The following ROBO1 variants were observed in gnomAD, a reference collection of about 807,000 sequenced individuals.
ROBO1 encodes roundabout homolog 1.
A neutral mutation model predicts 195.9 loss-of-function variants in ROBO1; 149 were observed. That is an observed-to-expected ratio of 0.76 (90% confidence interval 0.67 to 0.87). ROBO1 has a LOEUF of 0.87. Ranked by LOEUF, ROBO1 falls within the 40% of genes least tolerant of loss-of-function variation. The pLI, the probability that ROBO1 is intolerant of heterozygous loss-of-function variation, is 0.00. For missense variants in ROBO1, 1,933 were observed against 2,068.3 expected (o/e 0.93, Z 1.27); for synonymous variants, 816 against 733.2 (o/e 1.11, Z -1.82).
At chr3:79,737,316 TGAAA>T (rs955249725) in intron 1 of ROBO1, among the ~76,000 whole-genome samples, 2 of 152,066 alleles carry the variant, frequency 1.3e-5, no homozygotes, top group African/African-American at 2.4e-5. Flanking sequence ...TAATCAGAAG[TGAAA>T]GAGATTATGC....
At chr3:79,700,288 C>CAT (rs1553793249) in intron 1 of ROBO1, among the ~76,000 whole-genome samples, 40,386 of 147,668 alleles carry the variant, frequency 0.27, 6,099 homozygotes, top group African/African-American at 0.42. Context: ...GTGATGAACA[C>CAT]GTGTGTGTGT....
chr3:79,506,700 C>G (rs1248689854), intron 2 of ROBO1, among the ~76,000 whole-genome samples: 4 of 152,168 alleles, frequency 2.6e-5, no homozygotes, highest in Non-Finnish European at 2.9e-5. Context: ...GCCTTGGCCT[C>G]CCAAAGTGCT....
chr3:78,864,111 A>G (rs1242413979), intron 4 of ROBO1, among the ~76,000 whole-genome samples: 15 of 152,160 alleles, frequency 9.9e-5, no homozygotes, highest in Admixed American at 9.8e-4. Flanking sequence ...ATGTTAACTT[A>G]TTACTTTCCA....
At chr3:79,707,799 C>T (rs186739470) in intron 1 of ROBO1, among the ~76,000 whole-genome samples, 358 of 152,316 alleles carry the variant, frequency 2.4e-3, no homozygotes, top group Middle Eastern at 6.8e-3. Context: ...TGGGCCATCA[C>T]ACCTGGCCGA....
At chr3:78,721,524 A>G (rs1179962275) in intron 5 of ROBO1, among the ~76,000 whole-genome samples, 1 of 152,198 alleles carries the variant, frequency 6.6e-6, no homozygotes, top group Non-Finnish European at 1.5e-5. Context: ...CATTGCTGAA[A>G]GAATTGTACA....
chr3:78,688,834 C>A (rs2081108380), intron 8 of ROBO1, 62 bp from the exon 9 acceptor site: 7 of 1,508,988 alleles, frequency 4.6e-6, no homozygotes, highest in Admixed American at 2.0e-5. Context: ...CTAATTGAGA[C>A]AATCTCTTAT....
At chr3:79,146,257 C>T (rs554445516) in intron 2 of ROBO1, among the ~76,000 whole-genome samples, 5 of 151,902 alleles carry the variant, frequency 3.3e-5, no homozygotes, top group Admixed American at 1.3e-4. Flanking sequence ...GCAAAGGAGG[C>T]CTGTGAATGA....
rs191172287 is a variant in ROBO1, at chr3:78,897,309, C to G, written c.499+41292G>C. 3.6e-3 allele frequency among the ~76,000 whole-genome samples: 547 copies of G among 152,214 alleles called. 5 individuals are homozygous for G. The highest frequency in any genetic ancestry group is 5.1e-3 in the Non-Finnish European group (344 of 67,996). On this transcript the variant is annotated intron_variant, in intron 4 of 30. Transcript: ENST00000464233. ...TCAGTATTTTTCGAAGCACCATCCT[C>G]CACCCACACCCCACAGATGATTCCA...
chr3:78,805,787 G>A (rs2084519788), intron 4 of ROBO1, among the ~76,000 whole-genome samples: 1 of 152,032 alleles, frequency 6.6e-6, no homozygotes, highest in East Asian at 1.9e-4. Context: ...CTATTAGTTA[G>A]TATATAATAC....
intron 5 of ROBO1, among the ~76,000 whole-genome samples, chr3:78,745,653 CCT>C (rs1559809511): frequency 6.6e-6 from 1 of 152,162 alleles, no homozygotes; most frequent in South Asian, 2.1e-4. Flanking sequence ...CTCTGCAGCA[CCT>C]CTTATGAGCA....
At chr3:78,866,447 T>G (rs2035185876) in intron 4 of ROBO1, among the ~76,000 whole-genome samples, 1 of 152,208 alleles carries the variant, frequency 6.6e-6, no homozygotes, top group Non-Finnish European at 1.5e-5. Context: ...AAATCTGTTT[T>G]GCCTCTATTT....
chr3:78,699,395 C>CAAAAAAAAAAA (rs60574193), intron 8 of ROBO1, among the ~76,000 whole-genome samples: 22 of 83,024 alleles, frequency 2.6e-4, no homozygotes, highest in African/African-American at 3.8e-4. Context: ...ACTAAAAATA[C>CAAAAAAAAAAA]AAAAAAAAAA....
intron 3 of ROBO1, among the ~76,000 whole-genome samples, chr3:79,046,187 A>G (rs1484252144): frequency 6.6e-6 from 1 of 152,102 alleles, no homozygotes; most frequent in African/African-American, 2.4e-5. Context: ...ACTCTGAGGG[A>G]AACCAGCCGC....
rs1048849335 is a variant in ROBO1 at position 79,373,140 on chromosome 3, T to C, written c.88+216684A>G. 2.6e-5 allele frequency among the ~76,000 whole-genome samples: 4 copies of C among 152,218 alleles called. No individual in the cohort carries two copies. In the East Asian group the frequency reaches 5.8e-4, roughly 22 times the overall value. On this transcript the variant is annotated intron_variant, in intron 2 of 30. Transcript: ENST00000464233. ...GTTGTGTTTGATACTAAGCTTTAGG[T>C]TTACTTAAAATACAAGTTCTAACAC...
At chr3:79,632,400 T>C (rs1429294100) in intron 1 of ROBO1, among the ~76,000 whole-genome samples, 2 of 152,088 alleles carry the variant, frequency 1.3e-5, no homozygotes, top group Non-Finnish European at 2.9e-5. Context: ...CCACATATAC[T>C]TACTTATAAG....
chr3:79,090,382 C>T (rs914495435), intron 3 of ROBO1, among the ~76,000 whole-genome samples: 4 of 152,002 alleles, frequency 2.6e-5, no homozygotes, highest in Non-Finnish European at 5.9e-5. Context: ...ATGCAAGATT[C>T]TTCCATTACT....
intron 4 of ROBO1, among the ~76,000 whole-genome samples, chr3:78,791,506 A>G (rs1349422567): frequency 6.6e-6 from 1 of 152,206 alleles, no homozygotes; most frequent in Non-Finnish European, 1.5e-5. Context: ...GAATCTAATA[A>G]AGTTCAAGCT....
At chr3:79,328,790 G>A (rs114786331) in intron 2 of ROBO1, among the ~76,000 whole-genome samples, 61 of 149,690 alleles carry the variant, frequency 4.1e-4, no homozygotes, top group African/African-American at 1.4e-3. Flanking sequence ...CCTTTCCCCC[G>A]TCACCCCCCT....
chr3:78,944,394 A>C (rs2040302165), intron 3 of ROBO1, among the ~76,000 whole-genome samples: 1 of 152,242 alleles, frequency 6.6e-6, no homozygotes, highest in African/African-American at 2.4e-5. Flanking sequence ...CCATGTGAGG[A>C]CACAGAAGGC....
Sources: gnomAD v4.1 joint callset for allele counts (sites outside exome capture counted in the v4.1 genomes callset) on GRCh38, gnomAD v4.1.1 for gene constraint, MANE v1.5 for transcripts, NCBI Gene and HGNC (gene_info 2026-07-23, HGNC 2026-07-21) for gene names.